The following KBTBD2 variants were observed in gnomAD, a reference collection of about 807,000 sequenced individuals.
KBTBD2 encodes kelch repeat and BTB domain containing 2.
Under a neutral mutation model 57.1 loss-of-function variants are expected in KBTBD2, and 17 were observed. The ratio of observed to expected loss-of-function variants is 0.30; its 90% CI spans 0.20 to 0.45. The LOEUF (loss-of-function observed/expected upper bound fraction) is 0.45. Ranked by LOEUF, KBTBD2 falls within the 20% of genes least tolerant of loss-of-function variation. The probability of loss-of-function intolerance (pLI) is 1.00; values close to 1 mark genes in which losing one functional copy is unlikely to be tolerated. For synonymous variants in KBTBD2, 267 were observed against 262.7 expected (o/e 1.02, Z -0.16); for missense variants, 515 against 750.6 (o/e 0.69, Z 3.67).
chr7:32,885,359 C>T (rs1008704485), intron 1 of KBTBD2, among the ~76,000 whole-genome samples: 23 of 151,362 alleles, frequency 1.5e-4, no homozygotes, highest in African/African-American at 2.2e-4. Flanking sequence ...TCTTCTCAAC[C>T]AAAATATTCT....
chr7:32,878,022 G>C (rs947230167), intron 2 of KBTBD2, among the ~76,000 whole-genome samples: 3 of 151,078 alleles, frequency 2.0e-5, no homozygotes, highest in Non-Finnish European at 4.4e-5. Flanking sequence ...TGAGGCACAA[G>C]AACCACTTGA....
chr7:32,873,460 G>A (rs937229808), intron 3 of KBTBD2, among the ~76,000 whole-genome samples: 1 of 152,120 alleles, frequency 6.6e-6, no homozygotes, highest in East Asian at 1.9e-4. Context: ...TTGGCTGGGA[G>A]TGGTGGCTCA....
chr7:32,873,925 C>A (rs905860661), intron 3 of KBTBD2, among the ~76,000 whole-genome samples: 1 of 152,038 alleles, frequency 6.6e-6, no homozygotes, highest in African/African-American at 2.4e-5. Context: ...AAGAAAAAAA[C>A]CTTTTACCTT....
intron 1 of KBTBD2, among the ~76,000 whole-genome samples, chr7:32,884,507 T>C (rs1036008545): frequency 6.6e-6 from 1 of 151,142 alleles, no homozygotes; most frequent in Non-Finnish European, 1.5e-5. Flanking sequence ...CTGGCCAACA[T>C]GGTGAAACCC....
In KBTBD2 at chr7:32,869,405, T is replaced by C. The variant is rs376286366; in HGVS notation, c.1812A>G (p.Ser604=). ...GTTCAAACTCTTCTGTCCCATCCGT[T>C]GAAAAAAGATAAGTTGGTGGTTTCC... ...SPWKPPTYLF[S]TDGTEEFELD... The change falls in exon 4 of 4, where the codon TCA becomes TCG. Residue 604 remains serine, a synonymous_variant. Coordinates refer to ENST00000304056, the MANE Select transcript of KBTBD2 (RefSeq NM_015483.3). 1.0e-4 allele frequency: 166 copies of C among 1,613,940 alleles called. No homozygotes were observed. Among genetic ancestry groups the C allele is most frequent in the East Asian group, 4.2e-4 (19 of 44,892 alleles).
Position 32,879,701 on chromosome 7 carries a change from T to C in KBTBD2, c.-97A>G. ...ACTTCAGAAATAAAGGAGAACCTAC[T>C]TGCTGTTATCTGCAGCATTCAGTAC... On this transcript the variant is annotated 5_prime_UTR_variant, in exon 2 of 4. Coordinates refer to ENST00000304056, the MANE Select transcript of KBTBD2 (RefSeq NM_015483.3). 1 of 967,744 alleles carries C rather than the reference T, an allele frequency of 1.0e-6. No homozygotes were observed. The highest frequency in any genetic ancestry group is 2.6e-5 in the East Asian group (1 of 38,922). The allele number at this position is 967,744 out of a possible 1,614,324, so 59.9% of individuals were successfully genotyped here.
intron 1 of KBTBD2, among the ~76,000 whole-genome samples, chr7:32,882,698 T>G (rs1384218530): frequency 6.6e-6 from 1 of 152,116 alleles, no homozygotes; most frequent in Non-Finnish European, 1.5e-5. Context: ...AAAAATAAAA[T>G]TAAAGTCAGG....
intron 1 of KBTBD2, among the ~76,000 whole-genome samples, chr7:32,885,110 A>C (rs1784545456): frequency 1.3e-5 from 2 of 151,124 alleles, no homozygotes; most frequent in African/African-American, 4.9e-5. Flanking sequence ...TCCTACGTTC[A>C]AGCGATCCAC....
At chr7:32,882,222 G>T (rs138441238) in intron 1 of KBTBD2, among the ~76,000 whole-genome samples, 1 of 152,090 alleles carries the variant, frequency 6.6e-6, no homozygotes, top group African/African-American at 2.4e-5. Context: ...TAATAAAGTA[G>T]AAGTCCTAAT....
chr7:32,874,256 C>CG (rs1308049727), intron 3 of KBTBD2, among the ~76,000 whole-genome samples: 3 of 151,550 alleles, frequency 2.0e-5, no homozygotes, highest in African/African-American at 4.8e-5. Context: ...AAAAATTAGC[C>CG]GGGGGTGGTG....
chr7:32,874,916 A>G, intron 3 of KBTBD2, 76 bp downstream of exon 3: 2 of 1,249,516 alleles, frequency 1.6e-6, no homozygotes, highest in South Asian at 1.4e-5. Context: ...GGTTGCAGTG[A>G]GCGGAGATCG....
At chr7:32,875,254 G>T (rs1249556855) in intron 2 of KBTBD2, 97 bp from the exon 3 acceptor site, 4 of 1,114,714 alleles carry the variant, frequency 3.6e-6, no homozygotes, top group Non-Finnish European at 5.2e-6. Flanking sequence ...TGTTTATTTA[G>T]GGTATTTACT....
Position 32,870,169 on chromosome 7 carries a change from A to C in KBTBD2, c.1048T>G (p.Phe350Val). 1 of 1,614,168 alleles carries C rather than the reference A, an allele frequency of 6.2e-7. No individual in the cohort carries two copies. Among genetic ancestry groups the C allele is most frequent in the Non-Finnish European group, 8.5e-7 (1 of 1,180,036 alleles). The change falls in exon 4 of 4, where the codon TTT (phenylalanine) becomes GTT (valine). Residue 350 changes from phenylalanine to valine, a missense_variant. By Grantham distance (50) the Phe-to-Val change is conservative. Coordinates refer to ENST00000304056, the MANE Select transcript of KBTBD2 (RefSeq NM_015483.3). Reference sequence around the variant, plus strand: ...TTTTGCTGTGCATCAAACCAATAAAAGCAATTCACAGTTCTGAAGGCAGTC... The same window carrying C: ...TTTTGCTGTGCATCAAACCAATAAACGCAATTCACAGTTCTGAAGGCAGTC... ...LQTAFRTVNCFYWFDAQQNTW... is the reference protein window; with the variant it reads ...LQTAFRTVNCVYWFDAQQNTW...
In KBTBD2 at chr7:32,870,326, C is replaced by G; in HGVS notation, c.891G>C (p.Lys297Asn). Residue 297 changes from lysine to asparagine, a missense_variant, in exon 4 of 4, where the codon AAG becomes AAC. Physicochemically the swap from Lys to Asn is moderately conservative, Grantham distance 94. Transcript: ENST00000304056. Reference sequence around the variant, plus strand: ...GCAAATCAGCTGGTGGGCTACATAACTTGTAAACTTTTTCTGCTTGGGGGC... The same window carrying G: ...GCAAATCAGCTGGTGGGCTACATAAGTTGTAAACTTTTTCTGCTTGGGGGC... ...CYSPQAEKVYKLCSPPADLHK... is the reference protein window; with the variant it reads ...CYSPQAEKVYNLCSPPADLHK... The G allele has an allele frequency of 6.2e-7, 1 of 1,613,862 alleles. No individual in the cohort carries two copies. The highest frequency in any genetic ancestry group is 1.1e-5 in the South Asian group (1 of 91,034).
intron 1 of KBTBD2, among the ~76,000 whole-genome samples, chr7:32,888,572 C>CA (rs1276196547): frequency 2.0e-5 from 3 of 150,942 alleles, no homozygotes; most frequent in Middle Eastern, 3.2e-3. Context: ...ACAAAAAAAC[C>CA]AAAAAAACAA....
chr7:32,881,559 T>G (rs894020394), intron 1 of KBTBD2, among the ~76,000 whole-genome samples: 1 of 152,216 alleles, frequency 6.6e-6, no homozygotes, highest in Admixed American at 6.5e-5. Context: ...AACTGCTAAC[T>G]TGATATACAG....
At chr7:32,887,061 C>G (rs1262808012) in intron 1 of KBTBD2, among the ~76,000 whole-genome samples, 2 of 151,986 alleles carry the variant, frequency 1.3e-5, no homozygotes, top group African/African-American at 4.8e-5. Context: ...CACTGAGTAG[C>G]CTGGAAACAC....
intron 1 of KBTBD2, among the ~76,000 whole-genome samples, chr7:32,889,933 C>T (rs1337058656): frequency 6.6e-6 from 1 of 152,244 alleles, no homozygotes. Flanking sequence ...AAAAGCTCAA[C>T]ATTTCTACCA....
intron 1 of KBTBD2, among the ~76,000 whole-genome samples, chr7:32,881,495 C>CAT (rs1562535879): frequency 5.3e-5 from 8 of 151,790 alleles, no homozygotes; most frequent in Non-Finnish European, 8.8e-5. Flanking sequence ...AAAATACCAT[C>CAT]CATTATGTCA....
Sources: gnomAD v4.1 joint callset for allele counts (sites outside exome capture counted in the v4.1 genomes callset) on GRCh38, gnomAD v4.1.1 for gene constraint, MANE v1.5 for transcripts, NCBI Gene and HGNC (gene_info 2026-07-23, HGNC 2026-07-21) for gene names.